GALNT17: variants seen among roughly 807,000 people sequenced by gnomAD.
GALNT17 encodes UDP-GalNAc:polypeptide N-acetylgalactosaminyltransferase-like 3.
GALNT17 carries 29 observed loss-of-function variants against 63.7 expected under a neutral mutation model. That is an observed-to-expected ratio of 0.46 (90% CI 0.34 to 0.62). The LOEUF is 0.62. Among genes scored for constraint, GALNT17 ranks in the 20% least tolerant of loss-of-function variants. The probability of loss-of-function intolerance (pLI) is 0.01; values close to 1 mark genes in which losing one functional copy is unlikely to be tolerated. For synonymous variants in GALNT17, 305 were observed against 318.3 expected (o/e 0.96, Z 0.45); for missense variants, 603 against 799.6 (o/e 0.75, Z 2.97).
At chr7:71,409,755 G>C (rs1793397837) in intron 3 of GALNT17, among the ~76,000 whole-genome samples, 1 of 152,172 alleles carries the variant, frequency 6.6e-6, no homozygotes, top group Non-Finnish European at 1.5e-5. Context: ...GAGACAGCAG[G>C]ATTTGCAACA....
intron 6 of GALNT17, among the ~76,000 whole-genome samples, chr7:71,612,334 G>A (rs767331764): frequency 2.6e-5 from 4 of 152,120 alleles, no homozygotes; most frequent in Admixed American, 6.6e-5. Flanking sequence ...GAAGAATTGG[G>A]CATATGGAAA....
At chr7:71,305,179 T>C (rs893967921) in intron 1 of GALNT17, among the ~76,000 whole-genome samples, 11 of 152,212 alleles carry the variant, frequency 7.2e-5, no homozygotes, top group Admixed American at 2.0e-4. Context: ...TTATTATTTT[T>C]CTTCTATCAC....
chr7:71,226,690 G>A (rs1789686136), intron 1 of GALNT17, among the ~76,000 whole-genome samples: 1 of 152,090 alleles, frequency 6.6e-6, no homozygotes, highest in Non-Finnish European at 1.5e-5. Context: ...ATGTTGGCCA[G>A]GCTGGTCTCG....
intron 5 of GALNT17, among the ~76,000 whole-genome samples, chr7:71,476,206 G>T (rs776812060): frequency 5.4e-4 from 82 of 152,334 alleles, no homozygotes; most frequent in Middle Eastern, 6.8e-3. Context: ...AACCATGATT[G>T]TGCCACAGAG....
chr7:71,582,297 G>A (rs1420072948), intron 6 of GALNT17, among the ~76,000 whole-genome samples: 3 of 151,988 alleles, frequency 2.0e-5, no homozygotes, highest in Non-Finnish European at 2.9e-5. Flanking sequence ...TGTGGTGGCC[G>A]GGTGCAGTGC....
intron 1 of GALNT17, among the ~76,000 whole-genome samples, chr7:71,135,011 CCTT>C (rs1323062522): frequency 6.6e-6 from 1 of 151,518 alleles, no homozygotes; most frequent in African/African-American, 2.4e-5. Context: ...ATCACCATGC[CCTT>C]CTAATTTTTT....
intron 6 of GALNT17, among the ~76,000 whole-genome samples, chr7:71,601,671 G>C (rs1789969202): frequency 6.6e-6 from 1 of 152,096 alleles, no homozygotes; most frequent in Admixed American, 6.6e-5. Context: ...TGTGGTCCCA[G>C]CTACTTGGGA....
At chr7:71,333,208 T>C (rs1791837406) in intron 1 of GALNT17, among the ~76,000 whole-genome samples, 1 of 152,248 alleles carries the variant, frequency 6.6e-6, no homozygotes, top group Non-Finnish European at 1.5e-5. Context: ...TTTCAGGTTA[T>C]ACAGATTTAC....
chr7:71,617,815 T>G (rs1462995340), intron 6 of GALNT17, among the ~76,000 whole-genome samples: 1 of 151,990 alleles, frequency 6.6e-6, no homozygotes, highest in East Asian at 1.9e-4. Context: ...GCTAATTTTT[T>G]TTTGTATTTT....
At chr7:71,609,962 TAATA>T (rs1276194506) in intron 6 of GALNT17, among the ~76,000 whole-genome samples, 1 of 152,106 alleles carries the variant, frequency 6.6e-6, no homozygotes, top group Non-Finnish European at 1.5e-5. Flanking sequence ...CACATATAAT[TAATA>T]GACATTTTTT....
chr7:71,514,184 G>A lies in GALNT17; in HGVS notation c.963-57101G>A, dbSNP rs372601725. On this transcript the variant is annotated intron_variant, in intron 5 of 10. Transcript: ENST00000333538. ...CACTCCAGCCTAGGTGATAGAGCAA[G>A]ACCCTATCTCAAAAAGCAACACCAC... 1.1e-4 allele frequency among the ~76,000 whole-genome samples: 17 copies of A among 152,258 alleles called. No homozygotes were observed. In the East Asian group the frequency reaches 3.1e-3, roughly 28 times the overall value.
intron 8 of GALNT17, among the ~76,000 whole-genome samples, chr7:71,673,222 A>G (rs938012943): frequency 4.6e-5 from 7 of 152,214 alleles, no homozygotes; most frequent in African/African-American, 1.7e-4. Context: ...AATAAGGACA[A>G]AGATTTGAGA....
At chr7:71,595,660 G>C (rs1422952252) in intron 6 of GALNT17, among the ~76,000 whole-genome samples, 4 of 142,694 alleles carry the variant, frequency 2.8e-5, no homozygotes, top group Admixed American at 7.1e-5. Flanking sequence ...GAGAGACTGA[G>C]ACACACACAC....
chr7:71,179,826 A>G (rs1054183817), intron 1 of GALNT17, among the ~76,000 whole-genome samples: 11 of 152,208 alleles, frequency 7.2e-5, no homozygotes, highest in African/African-American at 2.4e-4. Context: ...TTGTCTTTCA[A>G]GGATACTCCT....
At chr7:71,512,830 G>A (rs1053689345) in intron 5 of GALNT17, among the ~76,000 whole-genome samples, 2 of 152,202 alleles carry the variant, frequency 1.3e-5, no homozygotes, top group East Asian at 1.9e-4. Flanking sequence ...GGGAGAATGA[G>A]GAGAATCAGG....
chr7:71,276,676 T>G (rs1790687762), intron 1 of GALNT17, among the ~76,000 whole-genome samples: 1 of 152,176 alleles, frequency 6.6e-6, no homozygotes, highest in Non-Finnish European at 1.5e-5. Context: ...TGTGTAACTG[T>G]GAACCCATTA....
In GALNT17 at chr7:71,144,886, G is replaced by A. The variant is rs376517183; in HGVS notation, c.238+11846G>A. On this transcript the variant is annotated intron_variant, in intron 1 of 10. Transcript: ENST00000333538. ...TGGGACTACAGGTGCATGCCACCATGCCAGGCTAATTTTTTGTATTTTTAG... is the reference window on the plus strand; with the variant it reads ...TGGGACTACAGGTGCATGCCACCATACCAGGCTAATTTTTTGTATTTTTAG... Among the ~76,000 whole-genome samples, 8 of 152,082 alleles carry A rather than the reference G, an allele frequency of 5.3e-5. No homozygotes were observed. The East Asian group carries it at 5.8e-4, about 11-fold the overall frequency.
Position 71,602,051 on chromosome 7 carries a change from C to G in GALNT17, c.1080+30649C>G, listed in dbSNP as rs183163665. On this transcript the variant is annotated intron_variant, in intron 6 of 10. Transcript: ENST00000333538. ...GTGCAAGACTGGCCTTTGCCATGGC[C>G]TTTCACACTTGCTAAGTGAATCAAT... 6.4e-4 allele frequency among the ~76,000 whole-genome samples: 98 copies of G among 152,340 alleles called. 1 individual carries two copies. Among genetic ancestry groups the G allele is most frequent in the African/African-American group, 2.3e-3 (94 of 41,586 alleles).
intron 5 of GALNT17, among the ~76,000 whole-genome samples, chr7:71,552,950 T>G (rs10242031): frequency 0.31 from 47,715 of 151,966 alleles, 7,648 homozygotes; most frequent in Admixed American, 0.34. Flanking sequence ...GCTGGGCATC[T>G]GTCTCCCTTT....
Sources: gnomAD v4.1 joint callset for allele counts (sites outside exome capture counted in the v4.1 genomes callset) on GRCh38, gnomAD v4.1.1 for gene constraint, MANE v1.5 for transcripts, NCBI Gene and HGNC (gene_info 2026-07-23, HGNC 2026-07-21) for gene names.